APOBEC3A: variants seen among roughly 807,000 people sequenced by gnomAD.
APOBEC3A encodes apolipoprotein B mRNA editing enzyme catalytic subunit 3A.
Under a neutral mutation model 23.0 loss-of-function variants are expected in APOBEC3A, and 13 were observed. The ratio of observed to expected loss-of-function variants is 0.57; its 90% confidence interval spans 0.37 to 0.90. APOBEC3A has a LOEUF of 0.90. Among genes scored for constraint, APOBEC3A ranks in the 40% least tolerant of loss-of-function variants. The probability of loss-of-function intolerance (pLI) is 0.01; values close to 1 mark genes in which losing one functional copy is unlikely to be tolerated. For synonymous variants in APOBEC3A, 74 were observed against 101.3 expected (o/e 0.73, Z 1.62); for missense variants, 179 against 264.9 (o/e 0.68, Z 2.25).
intron 1 of APOBEC3A, 22 bp downstream of exon 1, chr22:38,957,742 A>T: frequency 6.2e-7 from 1 of 1,609,136 alleles, no homozygotes; most frequent in Non-Finnish European, 8.5e-7. Context: ...CCCTCCGAGC[A>T]CCTCTGCGCC....
At position 38,962,151 on chromosome 22, in the gene APOBEC3A, C is replaced by A. The variant is rs763180526; in HGVS notation, c.523C>A (p.Pro175Thr). The A allele has an allele frequency of 6.2e-7, 1 of 1,613,394 alleles. No homozygotes were observed. Among genetic ancestry groups the A allele is most frequent in the East Asian group, 2.2e-5 (1 of 44,884 alleles). Residue 175 changes from proline to threonine, a missense_variant, in exon 4 of 5, where the codon CCC (proline) becomes ACC (threonine). Pro to Thr is a conservative substitution (Grantham distance 38). Transcript: ENST00000249116. Reference sequence around the variant, plus strand: ...GGACCACCAGGGATGTCCCTTCCAGCCCTGGGATGGACTAGATGAGCACAG... The same window carrying A: ...GGACCACCAGGGATGTCCCTTCCAGACCTGGGATGGACTAGATGAGCACAG... ...FVDHQGCPFQ[P>T]WDGLDEHSQA...
chr22:38,957,763 C>T, intron 1 of APOBEC3A, 43 bp downstream of exon 1: 1 of 1,598,684 alleles, frequency 6.3e-7, no homozygotes, highest in Non-Finnish European at 8.5e-7. Context: ...TCAGCCTCCT[C>T]TTTGAGCTTT....
chr22:38,958,691 TTTTC>T (rs932744096), intron 1 of APOBEC3A, among the ~76,000 whole-genome samples: 9 of 149,580 alleles, frequency 6.0e-5, no homozygotes, highest in Non-Finnish European at 1.0e-4. Context: ...TTCCTTTCTT[TTTTC>T]TTTCTTTCTT....
At position 38,962,161 on chromosome 22, in the gene APOBEC3A, G is replaced by A. The variant is rs766706417; in HGVS notation, c.533G>A (p.Gly178Glu). 1.9e-6 allele frequency: 3 copies of A among 1,613,440 alleles called. No homozygotes were observed. Among genetic ancestry groups the A allele is most frequent in the Non-Finnish European group, 2.5e-6 (3 of 1,179,986 alleles). The change falls in exon 4 of 5, where the codon GGA becomes GAA. Residue 178 changes from glycine to glutamate, a missense_variant. Gly to Glu is a moderately conservative substitution (Grantham distance 98, BLOSUM62 -2). Transcript: ENST00000249116. ...HQGCPFQPWD[G>E]LDEHSQALSG... ...GGATGTCCCTTCCAGCCCTGGGATG[G>A]ACTAGATGAGCACAGCCAAGCCCTG...
At chr22:38,958,765 C>CTCTT (rs781618227) in intron 1 of APOBEC3A, among the ~76,000 whole-genome samples, 2 of 38,734 alleles carry the variant, frequency 5.2e-5, no homozygotes, top group African/African-American at 2.8e-4. Flanking sequence ...CTCCATCTCT[C>CTCTT]TTTCTCTTTC....
Position 38,961,582 on chromosome 22 carries a change from A to G in APOBEC3A, c.370A>G (p.Ile124Val), listed in dbSNP as rs1486834066. The G allele has an allele frequency of 1.3e-6, 2 of 1,534,962 alleles. No individual in the cohort carries two copies. Among genetic ancestry groups the G allele is most frequent in the Non-Finnish European group, 1.8e-6 (2 of 1,119,300 alleles). The change falls in exon 3 of 5, where the codon ATC becomes GTC. Residue 124 changes from isoleucine (I) to valine (V), a missense_variant. Around this residue, in one of 5 missense-constraint regions of APOBEC3A, gnomAD observed 37 missense variants for 47.8 expected, o/e 0.77. Coordinates refer to ENST00000249116, the MANE Select transcript of APOBEC3A (RefSeq NM_145699.4). ...GGAGAACACACACGTGAGACTGCGT[A>G]TCTTCGCTGCCCGCATCTATGATTA... The part of the protein sequence containing the change: ...LQENTHVRLR[I>V]FAARIYDYDP...
In APOBEC3A at chr22:38,962,573, C is replaced by T. The variant is rs553849226; in HGVS notation, c.*64C>T. On this transcript the variant is annotated 3_prime_UTR_variant, in exon 5 of 5. Coordinates refer to ENST00000249116, the MANE Select transcript of APOBEC3A (RefSeq NM_145699.4). ...GTTGAGCAGCAGAATAAAAGATCTT[C>T]TTCCAAGAAATGCAAACAGACCGTT... The T allele has an allele frequency of 2.7e-4, 426 of 1,558,254 alleles. 10 individuals are homozygous for T. In the African/African-American group the frequency reaches 5.3e-3, roughly 19 times the overall value.
intron 2 of APOBEC3A, among the ~76,000 whole-genome samples, chr22:38,960,060 C>G (rs772179885): frequency 6.6e-6 from 1 of 152,206 alleles, no homozygotes; most frequent in African/African-American, 2.4e-5. Flanking sequence ...GAGACTGAGG[C>G]AGGAGAGGCT....
At position 38,961,448 on chromosome 22, in the gene APOBEC3A, T is replaced by G. The variant is rs768983168; in HGVS notation, c.236T>G (p.Val79Gly). 5 of 1,385,708 alleles carry G rather than the reference T, an allele frequency of 3.6e-6. No homozygotes were observed. The highest frequency in any genetic ancestry group is 5.0e-6 in the Non-Finnish European group (5 of 996,830). 85.8% of individuals were successfully genotyped at this position (1,385,708 alleles called of 1,614,324 possible). ...GCGGAGCTGCGCTTCTTGGACCTGG[T>G]TCCTTCTTTGCAGTTGGACCCGGCC... is the stretch of plus-strand genomic sequence containing the variant. Reference protein sequence around the residue: ...RHAELRFLDLVPSLQLDPAQI... With the variant: ...RHAELRFLDLGPSLQLDPAQI... The change falls in exon 3 of 5, where the codon GTT (valine) becomes GGT (glycine). Residue 79 changes from valine (V) to glycine (G), a missense_variant. Physicochemically the swap from Val to Gly is moderately radical, Grantham distance 109 (BLOSUM62 -3). Around this residue, in one of 5 missense-constraint regions of APOBEC3A, gnomAD observed 10 missense variants for 64.3 expected, o/e 0.16. Transcript: ENST00000249116.
intron 2 of APOBEC3A, among the ~76,000 whole-genome samples, chr22:38,959,991 T>C (rs1216574230): frequency 6.6e-6 from 1 of 152,204 alleles, no homozygotes; most frequent in Admixed American, 6.5e-5. Context: ...AGGGCCTACC[T>C]GACCTCACAA....
chr22:38,959,015 A>G (rs1922740337), intron 1 of APOBEC3A, among the ~76,000 whole-genome samples: 1 of 152,106 alleles, frequency 6.6e-6, no homozygotes, highest in East Asian at 1.9e-4. Context: ...CCTGAGAAGC[A>G]CATTTGGGAG....
rs372764555 is a variant in APOBEC3A at position 38,962,236 on chromosome 22, C to G, written c.585+23C>G. Reference sequence around the variant, plus strand: ...CAGGTGAGGGCTTCCTCCCTCTGCCCGGTGCCCCATCGGCCTCCCCCTCCT... The same window carrying G: ...CAGGTGAGGGCTTCCTCCCTCTGCCGGGTGCCCCATCGGCCTCCCCCTCCT... On this transcript the variant is annotated intron_variant, in intron 4 of 4. Transcript: ENST00000249116. The G allele has an allele frequency of 2.7e-6, 4 of 1,503,042 alleles. No individual in the cohort carries two copies. In the South Asian group the frequency reaches 4.7e-5, roughly 18 times the overall value. 93.1% of individuals were successfully genotyped at this position (1,503,042 alleles called of 1,614,324 possible). A position where few individuals can be genotyped will look rare whatever the true frequency, so the allele number is the denominator to read the frequency against.
In APOBEC3A at chr22:38,961,576, C is replaced by T. The variant is rs35994173; in HGVS notation, c.364C>T (p.Leu122=). 245,841 of 1,516,960 alleles carry T rather than the reference C, an allele frequency of 0.16. 43,034 individuals are homozygous for T. Among genetic ancestry groups the T allele is most frequent in the South Asian group, 0.31 (26,993 of 87,210 alleles). The allele number at this position is 1,516,960 out of a possible 1,614,324, so 94.0% of individuals were successfully genotyped here. The change falls in exon 3 of 5, where the codon CTG becomes TTG. Residue 122 remains leucine, a synonymous_variant. Coordinates refer to ENST00000249116, the MANE Select transcript of APOBEC3A (RefSeq NM_145699.4). ...CCTTCAGGAGAACACACACGTGAGA[C>T]TGCGTATCTTCGCTGCCCGCATCTA... The part of the protein sequence containing the change: ...AFLQENTHVR[L]RIFAARIYDY...
rs1922933391 is a variant in APOBEC3A, at chr22:38,962,219, G to T, written c.585+6G>T. 1 of 1,613,590 alleles carries T rather than the reference G, an allele frequency of 6.2e-7. No homozygotes were observed. Among genetic ancestry groups the T allele is most frequent in the African/African-American group, 1.3e-5 (1 of 74,800 alleles). ...GGCTGCGGGCCATTCTCCAGGTGAG[G>T]GCTTCCTCCCTCTGCCCGGTGCCCC... On this transcript the variant is annotated splice_donor_region_variant and intron_variant, in intron 4 of 4. Transcript: ENST00000249116.
rs1291209581 is a variant in APOBEC3A at position 38,957,709 on chromosome 22, A to T, written c.18A>T (p.Ala6=). The change falls in exon 1 of 5, where the codon GCA becomes GCT. Residue 6 remains alanine, a synonymous_variant. Coordinates refer to ENST00000249116, the MANE Select transcript of APOBEC3A (RefSeq NM_145699.4). ...ACAAGCACATGGAAGCCAGCCCAGC[A>T]TCCGGGCCCAGGTATGGGAAGCCCC... MEASP[A]SGPRHLMDPH... is the part of the protein sequence containing the mutation. The T allele has an allele frequency of 6.2e-7, 1 of 1,612,694 alleles. No individual in the cohort carries two copies. Among genetic ancestry groups the T allele is most frequent in the Admixed American group, 1.7e-5 (1 of 59,870 alleles).
chr22:38,959,658 A>G lies in APOBEC3A; in HGVS notation c.146A>G (p.Asp49Gly). ...RLDNGTSVKM[D>G]QHRGFLHNQA... ...GACAATGGCACCTCGGTCAAGATGG[A>G]CCAGCACAGGGGCTTTCTACACAAC... is the stretch of plus-strand genomic sequence containing the variant. The change falls in exon 2 of 5, where the codon GAC becomes GGC. Residue 49 changes from aspartate to glycine, a missense_variant. By Grantham distance (94) the Asp-to-Gly change is moderately conservative. This residue lies in a region of APOBEC3A where 87 missense variants were observed against 74.5 expected (regional missense o/e 1.17). Coordinates refer to ENST00000249116, the MANE Select transcript of APOBEC3A (RefSeq NM_145699.4). 1 of 1,614,034 alleles carries G rather than the reference A, an allele frequency of 6.2e-7. No individual in the cohort carries two copies. Among genetic ancestry groups the G allele is most frequent in the Non-Finnish European group, 8.5e-7 (1 of 1,179,998 alleles).
chr22:38,962,325 A>G, intron 4 of APOBEC3A, 112 bp downstream of exon 4: 1 of 1,569,114 alleles, frequency 6.4e-7, no homozygotes, highest in Non-Finnish European at 8.6e-7. Flanking sequence ...CCTGCTCCCC[A>G]CAGGGCGCCC....
chr22:38,958,609 C>CCCTTTCTCCCTCCCTT (rs1922700151), intron 1 of APOBEC3A, among the ~76,000 whole-genome samples: 1 of 143,910 alleles, frequency 6.9e-6, no homozygotes, highest in African/African-American at 2.6e-5. Flanking sequence ...CTCTCTTTCT[C>CCCTTTCTCCCTCCCTT]CCTTTCTCCC....
chr22:38,959,858 A>C (rs1382174317), intron 2 of APOBEC3A, among the ~76,000 whole-genome samples, 172 bp downstream of exon 2: 1 of 152,084 alleles, frequency 6.6e-6, no homozygotes, highest in African/African-American at 2.4e-5. Flanking sequence ...TTCAGTGACT[A>C]TCCATGCCCA....
Sources: allele counts gnomAD v4.1 joint callset (sites outside exome capture counted in the v4.1 genomes callset), GRCh38; gene constraint gnomAD v4.1.1; regional missense constraint gnomAD v4.1.1; transcripts MANE v1.5; gene names NCBI Gene and HGNC (gene_info 2026-07-23, HGNC 2026-07-21).